Variants in TIGAR observed in about 807,000 individuals in gnomAD.
TIGAR encodes fructose-2,6-bisphosphatase TIGAR.
TIGAR carries 7 observed loss-of-function variants against 17.9 expected under a neutral mutation model. That is an observed-to-expected ratio of 0.39 (90% CI 0.22 to 0.73). The LOEUF (loss-of-function observed/expected upper bound fraction) is 0.73, where lower values mean the gene tolerates loss of function less well. Ranked by LOEUF, TIGAR falls within the 30% of genes least tolerant of loss-of-function variation. The pLI is 0.42. For synonymous variants in TIGAR, 94 were observed against 108.6 expected (o/e 0.87, Z 0.84); for missense variants, 258 against 327.4 (o/e 0.79, Z 1.64).
intron 1 of TIGAR, chr12:4,324,456 C>T (rs1490328177): frequency 6.4e-7 from 1 of 1,571,646 alleles, no homozygotes; most frequent in East Asian, 2.2e-5. Context: ...TGATGGAGAA[C>T]TCGCCCAGGT....
intron 3 of TIGAR, among the ~76,000 whole-genome samples, chr12:4,339,070 G>A (rs900496291): frequency 4.6e-5 from 7 of 150,882 alleles, no homozygotes; most frequent in Non-Finnish European, 1.0e-4. Flanking sequence ...AATGATCAGA[G>A]CACAAATAAT....
Position 4,349,878 on chromosome 12 carries a change from C to T in TIGAR, c.252C>T (p.Asp84=), listed in dbSNP as rs1361882071. ...KFCKDMTVKY[D]SRLRERKYGV... ...GCAAAGATATGACGGTAAAGTATGA[C>T]TCAAGACTTCGGGAAAGGGTGAGTA... is the stretch of plus-strand genomic sequence containing the variant. The change falls in exon 4 of 6, where the codon GAC becomes GAT. Residue 84 remains aspartate, a synonymous_variant. Transcript: ENST00000179259. 3 of 1,569,368 alleles carry T rather than the reference C, an allele frequency of 1.9e-6. No individual in the cohort carries two copies. In the East Asian group the frequency reaches 7.4e-5, roughly 39 times the overall value.
At chr12:4,334,467 C>A (rs898784426) in intron 2 of TIGAR, among the ~76,000 whole-genome samples, 8 of 152,178 alleles carry the variant, frequency 5.3e-5, no homozygotes, top group African/African-American at 1.7e-4. Flanking sequence ...TTTGGGGGGA[C>A]ACATTTACTC....
At chr12:4,324,536 T>C (rs1864516924) in intron 1 of TIGAR, 2 of 1,609,472 alleles carry the variant, frequency 1.2e-6, no homozygotes, top group Non-Finnish European at 1.7e-6. Context: ...CCCACCATGC[T>C]GCCCACCATC....
At position 4,356,658 on chromosome 12, in the gene TIGAR, G is replaced by C. The variant is rs1457413597; in HGVS notation, c.*3967G>C. On this transcript the variant is annotated 3_prime_UTR_variant, in exon 6 of 6. Transcript: ENST00000179259. ...GCATGATCTGTGGGTTTGGACAAAC[G>C]TATGAAGACATGTATTCCACCATTA... Among the ~76,000 whole-genome samples the C allele has an allele frequency of 6.6e-6, 1 of 152,192 alleles. No homozygotes were observed. Among genetic ancestry groups the C allele is most frequent in the Non-Finnish European group, 1.5e-5 (1 of 68,040 alleles).
At chr12:4,328,131 G>A (rs1864566360) in intron 1 of TIGAR, among the ~76,000 whole-genome samples, 1 of 152,186 alleles carries the variant, frequency 6.6e-6, no homozygotes, top group South Asian at 2.1e-4. Flanking sequence ...CATCTGAATG[G>A]TAGAGGCTAA....
chr12:4,353,589 C>A lies in TIGAR; in HGVS notation c.*898C>A. On this transcript the variant is annotated 3_prime_UTR_variant, in exon 6 of 6. Transcript: ENST00000179259. ...CAGTGGCTCACACCTGTAATCCCAGCACTTTGGGAGGCTGAGGCGGGCGGA... is the reference window on the plus strand; with the variant it reads ...CAGTGGCTCACACCTGTAATCCCAGAACTTTGGGAGGCTGAGGCGGGCGGA... The A allele has an allele frequency of 6.5e-6, 1 of 152,672 alleles. No homozygotes were observed. The highest frequency in any genetic ancestry group is 1.5e-5 in the Non-Finnish European group (1 of 68,344). 9.5% of individuals were successfully genotyped at this position (152,672 alleles called of 1,614,324 possible).
At chr12:4,343,890 T>C (rs1201281359) in intron 3 of TIGAR, among the ~76,000 whole-genome samples, 1 of 152,050 alleles carries the variant, frequency 6.6e-6, no homozygotes, top group African/African-American at 2.4e-5. Context: ...AGAGCAGAAC[T>C]GGAGGAGACA....
intron 5 of TIGAR, 82 bp downstream of exon 5, chr12:4,351,459 A>G: frequency 9.1e-7 from 1 of 1,102,232 alleles, no homozygotes. Flanking sequence ...GCAGTTTGAA[A>G]GTTGCTTGGT....
intron 3 of TIGAR, among the ~76,000 whole-genome samples, chr12:4,340,897 AT>A (rs1388462292): frequency 1.3e-5 from 2 of 152,252 alleles, no homozygotes; most frequent in Non-Finnish European, 1.5e-5. Context: ...AATAAAATGG[AT>A]TGAAGACTTA....
Position 4,353,869 on chromosome 12 carries a change from G to C in TIGAR, c.*1178G>C, listed in dbSNP as rs902747425. ...GCAGGGAAGGCGGGGTGGTTGGGGG[G>C]GAGAGAATGTTGCTCTGATAACCAC... On this transcript the variant is annotated 3_prime_UTR_variant, in exon 6 of 6. Transcript: ENST00000179259. 6.6e-6 allele frequency: 1 copy of C among 152,536 alleles called. No homozygotes were observed. Among genetic ancestry groups the C allele is most frequent in the Admixed American group, 6.6e-5 (1 of 15,258 alleles). 9.4% of individuals were successfully genotyped at this position (152,536 alleles called of 1,614,324 possible).
intron 1 of TIGAR, among the ~76,000 whole-genome samples, chr12:4,325,568 C>CGTCTCTACT (rs2120644660): frequency 1.3e-5 from 2 of 151,868 alleles, no homozygotes; most frequent in Non-Finnish European, 2.9e-5. Flanking sequence ...TGGTGAAACC[C>CGTCTCTACT]CGTCTCTACT....
At chr12:4,338,744 G>A (rs564496568) in intron 3 of TIGAR, among the ~76,000 whole-genome samples, 2 of 151,952 alleles carry the variant, frequency 1.3e-5, no homozygotes, top group African/African-American at 4.8e-5. Flanking sequence ...TTGGGAGGCC[G>A]AGATGGGAGG....
intron 3 of TIGAR, among the ~76,000 whole-genome samples, chr12:4,341,042 A>C (rs1387019190): frequency 6.6e-6 from 1 of 152,222 alleles, no homozygotes; most frequent in Non-Finnish European, 1.5e-5. Context: ...GACAAATGGG[A>C]TCACATCAAG....
rs928741904 is a variant in TIGAR, at chr12:4,321,992, AT to A, written c.32+694del. 4.4e-5 allele frequency among the ~76,000 whole-genome samples: 5 copies of A among 114,942 alleles called. No individual in the cohort carries two copies. The highest frequency in any genetic ancestry group is 1.5e-4 in the African/African-American group (5 of 32,436). 75.4% of individuals were successfully genotyped at this position (114,942 alleles called of 152,430 possible). On this transcript the variant is annotated intron_variant, in intron 1 of 5. Transcript: ENST00000179259. This position sits in a 1 kb window ranked among gnomAD's most constrained non-coding sequence, Gnocchi z 5.2. Reference sequence around the variant, plus strand: ...AGGGTAGTTAAGAGCACAGATTTTTATTTTTATTTTTTTTTTTTTGTGAGAT... The same window carrying A: ...AGGGTAGTTAAGAGCACAGATTTTTATTTTATTTTTTTTTTTTTGTGAGAT...
At chr12:4,350,787 A>C (rs1390627514) in intron 4 of TIGAR, among the ~76,000 whole-genome samples, 1 of 151,980 alleles carries the variant, frequency 6.6e-6, no homozygotes, top group African/African-American at 2.4e-5. Flanking sequence ...AAAAAAAAAA[A>C]AAAGAAAAAA....
At chr12:4,328,286 G>A (rs547806802) in intron 1 of TIGAR, among the ~76,000 whole-genome samples, 9 of 151,918 alleles carry the variant, frequency 5.9e-5, no homozygotes, top group Non-Finnish European at 1.0e-4. Flanking sequence ...CCACCTCCTG[G>A]GTTCAAGTCA....
Position 4,332,238 on chromosome 12 carries a change from C to CTTTTTTT in TIGAR, c.70+937_70+943dup, listed in dbSNP as rs777711454. ...ATAAGCATTCAAGGCTCATGTATTT[C>CTTTTTTT]TTTTTTTTTTTTTTTTTTTTTTGAG... On this transcript the variant is annotated intron_variant, in intron 2 of 5. Coordinates refer to ENST00000179259, the MANE Select transcript of TIGAR (RefSeq NM_020375.3). 8.6e-4 allele frequency among the ~76,000 whole-genome samples: 82 copies of CTTTTTTT among 95,320 alleles called. 4 individuals are homozygous for CTTTTTTT. The highest frequency in any genetic ancestry group is 1.2e-3 in the Admixed American group (8 of 6,954). 62.5% of individuals were successfully genotyped at this position (95,320 alleles called of 152,430 possible). A position where few individuals can be genotyped will look rare whatever the true frequency, so the allele number is the denominator to read the frequency against.
intron 1 of TIGAR, among the ~76,000 whole-genome samples, chr12:4,325,492 G>C (rs988433003): frequency 1.3e-5 from 2 of 151,916 alleles, no homozygotes; most frequent in Admixed American, 1.3e-4. Context: ...TGCAATCCCA[G>C]CACTTTGGGA....
Sources: allele counts gnomAD v4.1 joint callset (sites outside exome capture counted in the v4.1 genomes callset), GRCh38; gene constraint gnomAD v4.1.1; non-coding constraint Gnocchi (gnomAD v3.1); transcripts MANE v1.5; gene names NCBI Gene and HGNC (gene_info 2026-07-23, HGNC 2026-07-21).